C12orf43: variants seen among roughly 807,000 people sequenced by gnomAD.
The protein encoded by C12orf43 is protein CUSTOS.
In C12orf43, 15 loss-of-function variants were observed where a neutral mutation model predicts 20.6. The observed-to-expected ratio is 0.73, with a 90% CI of 0.49 to 1.12. The LOEUF is 1.12. Ranked by LOEUF, C12orf43 falls within the 50% of genes most tolerant of loss-of-function variation. The pLI is 0.00. For synonymous variants in C12orf43, 144 were observed against 130.8 expected, an observed-to-expected ratio of 1.10 and a Z score of -0.69; for missense variants, 334 against 344.4, an observed-to-expected ratio of 0.97 and a Z score of 0.24.
rs1483724481 is a variant in C12orf43 at position 121,010,945 on chromosome 12, G to T, written c.189-19C>A. The T allele has an allele frequency of 1.9e-6, 3 of 1,613,706 alleles. No individual in the cohort carries two copies. The highest frequency in any genetic ancestry group is 1.6e-4 in the Middle Eastern group (1 of 6,062). On this transcript the variant is annotated intron_variant, in intron 2 of 5. Coordinates refer to ENST00000288757, the MANE Select transcript of C12orf43 (RefSeq NM_022895.3). ...CTTATGCCTACGACACACACAAAGA[G>T]ACCTCACTTCCTGCCCGCTCAGAAG...
intron 3 of C12orf43, 195 bp from the exon 4 acceptor site, chr12:121,006,589 T>C: frequency 3.5e-6 from 2 of 572,854 alleles, no homozygotes; most frequent in South Asian, 4.0e-5. Context: ...AGTGCTTCAT[T>C]TCTTTAAAGC....
Position 121,004,617 on chromosome 12 carries a change from G to A in C12orf43, c.453-128C>T. Reference sequence around the variant, plus strand: ...CAGAGAGAGGCAGGTAGTGAGTTCAGGCTTGGGAGTGAGGCCAACCTGGCT... The same window carrying A: ...CAGAGAGAGGCAGGTAGTGAGTTCAAGCTTGGGAGTGAGGCCAACCTGGCT... On this transcript the variant is annotated intron_variant, in intron 5 of 5. Coordinates refer to ENST00000288757, the MANE Select transcript of C12orf43 (RefSeq NM_022895.3). The surrounding 1 kb of genome is among the most constrained non-coding windows in gnomAD (Gnocchi z 5.6). The A allele has an allele frequency of 9.8e-7, 1 of 1,024,688 alleles. No individual in the cohort carries two copies. 63.5% of individuals were successfully genotyped at this position (1,024,688 alleles called of 1,614,324 possible). A position where few individuals can be genotyped will look rare whatever the true frequency, so the allele number is the denominator to read the frequency against.
At position 121,008,631 on chromosome 12, in the gene C12orf43, C is replaced by T. The variant is rs115158672; in HGVS notation, c.287+2197G>A. On this transcript the variant is annotated intron_variant, in intron 3 of 5. Transcript: ENST00000288757. ...GCTGAAATGCAGCTGCCTTCCTAAACACCTCCTCTACTTTCTCCAATTGAG... is the reference window on the plus strand; with the variant it reads ...GCTGAAATGCAGCTGCCTTCCTAAATACCTCCTCTACTTTCTCCAATTGAG... Among the ~76,000 whole-genome samples, 1,192 of 152,350 alleles carry T rather than the reference C, an allele frequency of 7.8e-3. 16 individuals carry two copies. Among genetic ancestry groups the T allele is most frequent in the African/African-American group, 0.027 (1,112 of 41,588 alleles).
chr12:121,014,973 A>AG (rs1868768345), intron 1 of C12orf43, among the ~76,000 whole-genome samples: 1 of 152,068 alleles, frequency 6.6e-6, no homozygotes, highest in East Asian at 1.9e-4. Flanking sequence ...TGAAAAAAAA[A>AG]AGAGCGAGAA....
In C12orf43 at chr12:121,002,614, C is replaced by A. The variant is rs58575842; in HGVS notation, c.*1539G>T. 2.7e-6 allele frequency: 1 copy of A among 370,978 alleles called. No individual in the cohort carries two copies. The highest frequency in any genetic ancestry group is 2.2e-5 in the African/African-American group (1 of 46,090). 23.0% of individuals were successfully genotyped at this position (370,978 alleles called of 1,614,324 possible). A position where few individuals can be genotyped will look rare whatever the true frequency, so the allele number is the denominator to read the frequency against. ...AAGAGGAGACAGGCTCCAGCACCCA[C>A]GCTCTCACACCCCACATCTCTGCTT... On this transcript the variant is annotated 3_prime_UTR_variant, in exon 6 of 6. Transcript: ENST00000288757.
At chr12:121,012,348 G>A (rs1262794102) in intron 1 of C12orf43, 3 of 701,150 alleles carry the variant, frequency 4.3e-6, no homozygotes, top group Non-Finnish European at 7.8e-6. Flanking sequence ...ATCATGAAGG[G>A]CCCTGACGTG....
chr12:121,010,262 G>A (rs966016380), intron 3 of C12orf43, among the ~76,000 whole-genome samples: 4 of 152,212 alleles, frequency 2.6e-5, no homozygotes, highest in Non-Finnish European at 2.9e-5. Context: ...AAGATTGTGC[G>A]TGCCACTGCA....
At chr12:121,013,280 A>G (rs1188908100) in intron 1 of C12orf43, among the ~76,000 whole-genome samples, 1 of 152,214 alleles carries the variant, frequency 6.6e-6, no homozygotes, top group Admixed American at 6.5e-5. Flanking sequence ...CATCTCTTCC[A>G]TCATGACTAC....
At chr12:121,016,198 A>G in intron 1 of C12orf43, 132 bp downstream of exon 1, 1 of 1,376,698 alleles carries the variant, frequency 7.3e-7, no homozygotes, top group South Asian at 1.2e-5. Flanking sequence ...AATCTGCACT[A>G]CACCCAGTCC....
intron 1 of C12orf43, among the ~76,000 whole-genome samples, chr12:121,015,268 G>T (rs1868798360): frequency 1.3e-5 from 2 of 152,150 alleles, no homozygotes; most frequent in Admixed American, 6.5e-5. Flanking sequence ...GGGGGTGAGA[G>T]GGGCAGACTA....
At chr12:121,006,675 C>T (rs1348611829) in intron 3 of C12orf43, 16 of 365,288 alleles carry the variant, frequency 4.4e-5, no homozygotes, top group Admixed American at 7.8e-5. Context: ...TGGTGGCTCA[C>T]GCCTGTAATC....
In C12orf43 at chr12:121,011,394, T is replaced by A. The variant is rs185761831; in HGVS notation, c.146-248A>T. 2.8e-3 allele frequency among the ~76,000 whole-genome samples: 421 copies of A among 148,170 alleles called. 7 individuals carry two copies. Among genetic ancestry groups the A allele is most frequent in the Admixed American group, 0.019 (287 of 14,774 alleles). ...ACATATTTTATGTAAGTACATTATA[T>A]ATATATATATCTTAGTTATATAACT... On this transcript the variant is annotated intron_variant, in intron 1 of 5. Transcript: ENST00000288757.
At chr12:121,007,144 C>T (rs1878086747) in intron 3 of C12orf43, 2 of 151,982 alleles carry the variant, frequency 1.3e-5, no homozygotes, top group Non-Finnish European at 2.9e-5. Flanking sequence ...CAGAGGACAG[C>T]TTCTGGAGCA....
chr12:121,000,523 G>A lies in C12orf43; in HGVS notation c.*3630C>T, dbSNP rs1381319267. The stretch of plus-strand genomic sequence containing the variant: ...ACAGAACCAACAGATTTATTTGAAG[G>A]ACTTGGCCCGTGTCTGCGGGGGGCT... On this transcript the variant is annotated 3_prime_UTR_variant, in exon 6 of 6. Transcript: ENST00000288757. 4 of 192,646 alleles carry A rather than the reference G, an allele frequency of 2.1e-5. No homozygotes were observed. The highest frequency in any genetic ancestry group is 4.3e-5 in the Non-Finnish European group (4 of 92,738). The allele number at this position is 192,646 out of a possible 1,614,324, so 11.9% of individuals were successfully genotyped here.
chr12:121,008,027 GGAA>G (rs3999409), intron 3 of C12orf43, among the ~76,000 whole-genome samples: 151,799 of 151,804 alleles, frequency 1, 75,897 homozygotes, highest in Middle Eastern at 1. Context: ...TCCTATAATG[GGAA>G]GAAGAAGGAT....
At chr12:121,016,243 G>C in intron 1 of C12orf43, 87 bp downstream of exon 1, 4 of 1,595,904 alleles carry the variant, frequency 2.5e-6, no homozygotes, top group Non-Finnish European at 3.4e-6. Flanking sequence ...CCGAGTCCCA[G>C]TGACTCTCTC....
chr12:121,010,358 G>A (rs73214141), intron 3 of C12orf43, among the ~76,000 whole-genome samples: 6,454 of 152,264 alleles, frequency 0.042, 182 homozygotes, highest in South Asian at 0.11. Flanking sequence ...ACGCACTTGG[G>A]TTTGAGGCCC....
intron 1 of C12orf43, among the ~76,000 whole-genome samples, chr12:121,014,975 G>A (rs1868768715): frequency 6.6e-6 from 1 of 151,838 alleles, no homozygotes. Flanking sequence ...AAAAAAAAAA[G>A]AGCGAGAATT....
In C12orf43 at chr12:121,001,097, TC is replaced by T. The variant is rs2135854520; in HGVS notation, c.*3055del. 1.2e-6 allele frequency: 2 copies of T among 1,613,888 alleles called. No individual in the cohort carries two copies. The highest frequency in any genetic ancestry group is 1.7e-6 in the Non-Finnish European group (2 of 1,179,910). On this transcript the variant is annotated 3_prime_UTR_variant, in exon 6 of 6. Coordinates refer to ENST00000288757, the MANE Select transcript of C12orf43 (RefSeq NM_022895.3). ...CAGCAGCCTGGTGCTGTACCAGAGC[TC>T]AGACTCCAGCAATGGCCAGAGCCAC... is the stretch of plus-strand genomic sequence containing the variant.
Sources: gnomAD v4.1 joint callset for allele counts (sites outside exome capture counted in the v4.1 genomes callset) on GRCh38, gnomAD v4.1.1 for gene constraint, Gnocchi (gnomAD v3.1) non-coding constraint, MANE v1.5 for transcripts, NCBI Gene and HGNC (gene_info 2026-07-23, HGNC 2026-07-21) for gene names.